Variants in TPTE2 observed in about 807,000 individuals in gnomAD.
The protein encoded by TPTE2 is phosphatidylinositol 3,4,5-trisphosphate 3-phosphatase TPTE2.
A neutral mutation model predicts 78.6 loss-of-function variants in TPTE2; 53 were observed. That is an observed-to-expected ratio of 0.67 (90% CI 0.54 to 0.85). The LOEUF is 0.85. Among genes scored for constraint, TPTE2 ranks in the 40% least tolerant of loss-of-function variants. The pLI is 0.00. For synonymous variants in TPTE2, 175 were observed against 206.2 expected (o/e 0.85, Z 1.30); for missense variants, 461 against 623.0 (o/e 0.74, Z 2.77).
chr13:19,514,810 G>A (rs1869696593), intron 1 of TPTE2, among the ~76,000 whole-genome samples: 1 of 152,062 alleles, frequency 6.6e-6, no homozygotes, highest in Non-Finnish European at 1.5e-5. Context: ...TGGATTATGT[G>A]TTTACAATGA....
At chr13:19,436,247 C>G (rs756451755) in exon 15 of TPTE2, 1 of 1,612,940 alleles carries the variant, frequency 6.2e-7, no homozygotes, top group Admixed American at 1.7e-5. Context: ...TTTCTACTCC[C>G]TGAAATTTAT....
At chr13:19,538,443 G>A (rs945696569), upstream of TPTE2, among the ~76,000 whole-genome samples, 2 of 151,910 alleles carry the variant, frequency 1.3e-5, no homozygotes, top group African/African-American at 4.8e-5. Flanking sequence ...GATGGTCTCA[G>A]TCTCCTGACC....
chr13:19,521,275 A>C (rs1870131025), intron 1 of TPTE2, among the ~76,000 whole-genome samples: 1 of 151,484 alleles, frequency 6.6e-6, no homozygotes, highest in Admixed American at 6.6e-5. Context: ...GGGCTCTGTT[A>C]TATGTTTTTG....
At chr13:19,428,536 T>G (rs764145455) in intron 17 of TPTE2, among the ~76,000 whole-genome samples, 1 of 152,010 alleles carries the variant, frequency 6.6e-6, no homozygotes, top group Non-Finnish European at 1.5e-5. Context: ...AATCCCAGCA[T>G]GTTGCAAGGC....
the TPTE2 span, chr13:19,560,968 C>T: frequency 6.3e-7 from 1 of 1,592,808 alleles, no homozygotes. Flanking sequence ...CTTTGCAGTC[C>T]TCACAGGATG....
At chr13:19,482,005 G>A (rs1295926605) in intron 4 of TPTE2, among the ~76,000 whole-genome samples, 1 of 151,974 alleles carries the variant, frequency 6.6e-6, no homozygotes, top group Non-Finnish European at 1.5e-5. Context: ...AGTGCAACAG[G>A]AAGTACTCTA....
rs569822667 is a variant in TPTE2 at position 19,463,198 on chromosome 13, T to A, written c.741+1258A>T. The stretch of plus-strand genomic sequence containing the variant: ...GATTTTGCCATGTTCATCAGGCTTG[T>A]CTTGAACTCCTGGCCTCAAGTGATC... On this transcript the variant is annotated intron_variant, in intron 10 of 19. Transcript: ENST00000400230. Among the ~76,000 whole-genome samples the A allele has an allele frequency of 1.6e-4, 24 of 149,424 alleles. No individual in the cohort carries two copies. In the South Asian group the frequency reaches 4.9e-3, roughly 30 times the overall value.
intron 1 of TPTE2, among the ~76,000 whole-genome samples, chr13:19,523,364 T>C (rs1870300181): frequency 6.6e-6 from 1 of 151,812 alleles, no homozygotes; most frequent in Admixed American, 6.5e-5. Context: ...TTTTCAGAGA[T>C]CTGAAAAGTT....
intron 1 of TPTE2, among the ~76,000 whole-genome samples, chr13:19,528,659 T>C (rs1319871383): frequency 2.6e-5 from 4 of 152,300 alleles, no homozygotes; most frequent in East Asian, 3.9e-4. Context: ...ATTCCTCCAG[T>C]TCTCGCTAGC....
intron 13 of TPTE2, among the ~76,000 whole-genome samples, chr13:19,444,819 A>G (rs927707104): frequency 6.6e-6 from 1 of 152,230 alleles, no homozygotes; most frequent in Non-Finnish European, 1.5e-5. Flanking sequence ...ACACAGATGA[A>G]AAATCAATGA....
chr13:19,482,447 C>G, intron 4 of TPTE2, 41 bp downstream of exon 7: 1 of 1,603,526 alleles, frequency 6.2e-7, no homozygotes, highest in Non-Finnish European at 8.5e-7. Flanking sequence ...GGTAAGAGAT[C>G]CATCAATGGC....
chr13:19,468,557 G>A (rs962860718), intron 6 of TPTE2, among the ~76,000 whole-genome samples: 8 of 152,098 alleles, frequency 5.3e-5, no homozygotes, highest in African/African-American at 1.9e-4. Flanking sequence ...GGATCATATG[G>A]TAGTTCTATT....
intron 1 of TPTE2, among the ~76,000 whole-genome samples, chr13:19,500,533 G>A (rs1593402481): frequency 6.6e-6 from 1 of 151,916 alleles, no homozygotes; most frequent in Admixed American, 6.6e-5. Context: ...CATATAAACA[G>A]AGCCAAAGAC....
At chr13:19,554,494 T>A in the TPTE2 span, among the ~76,000 whole-genome samples, 4 of 152,220 alleles carry the variant, frequency 2.6e-5, no homozygotes, top group South Asian at 8.3e-4. Context: ...TTTATATATA[T>A]ATATGTATCA....
chr13:19,478,977 G>A (rs1393325323), intron 4 of TPTE2, among the ~76,000 whole-genome samples: 1 of 152,106 alleles, frequency 6.6e-6, no homozygotes, highest in East Asian at 1.9e-4. Context: ...CTTGGACAAA[G>A]GAAGGGGAAC....
the TPTE2 span, among the ~76,000 whole-genome samples, chr13:19,550,766 T>G: frequency 1.7e-4 from 26 of 152,136 alleles, no homozygotes; most frequent in African/African-American, 5.3e-4. Context: ...ACCTCAATAC[T>G]GTTCTTTTTC....
At chr13:19,427,366 A>T (rs1023887038) in intron 17 of TPTE2, among the ~76,000 whole-genome samples, 1 of 152,044 alleles carries the variant, frequency 6.6e-6, no homozygotes, top group African/African-American at 2.4e-5. Context: ...TACAGGCATG[A>T]GCCACCGTGC....
chr13:19,471,843 T>A (rs1350341784), intron 6 of TPTE2, among the ~76,000 whole-genome samples: 1 of 152,182 alleles, frequency 6.6e-6, no homozygotes, highest in Non-Finnish European at 1.5e-5. Context: ...CCTTTAGCAT[T>A]TCTTCTAGGA....
At chr13:19,510,011 C>T (rs1022223575) in intron 1 of TPTE2, among the ~76,000 whole-genome samples, 7 of 152,174 alleles carry the variant, frequency 4.6e-5, no homozygotes, top group African/African-American at 1.7e-4. Flanking sequence ...TTAGAAATTA[C>T]CTTTGTAGAC....
Sources: allele counts gnomAD v4.1 joint callset (sites outside exome capture counted in the v4.1 genomes callset), GRCh38; gene constraint gnomAD v4.1.1; transcripts MANE v1.5; gene names NCBI Gene and HGNC (gene_info 2026-07-23, HGNC 2026-07-21).